C6: variants seen among roughly 807,000 people sequenced by gnomAD.
The protein encoded by C6 is complement component C6.
A neutral mutation model predicts 112.9 loss-of-function variants in C6; 101 were observed. The observed-to-expected ratio is 0.89, with a 90% CI of 0.76 to 1.06. C6 has a LOEUF of 1.06. Among genes scored for constraint, C6 ranks in the 50% least tolerant of loss-of-function variants. The pLI is 0.00. For missense variants in C6, 1,202 were observed against 1,104.6 expected (o/e 1.09, Z -1.25); for synonymous variants, 431 against 384.1 (o/e 1.12, Z -1.43).
At chr5:41,247,832 A>G (rs1377943251) in intron 1 of C6, among the ~76,000 whole-genome samples, 1 of 152,106 alleles carries the variant, frequency 6.6e-6, no homozygotes, top group East Asian at 1.9e-4. Flanking sequence ...ACACAAACAA[A>G]TGTACAAATA....
At chr5:41,191,563 T>C (rs572524256) in intron 5 of C6, among the ~76,000 whole-genome samples, 1 of 152,324 alleles carries the variant, frequency 6.6e-6, no homozygotes, top group South Asian at 2.1e-4. Flanking sequence ...CCTTCCCATT[T>C]CTTTTGTGTC....
chr5:41,167,768 G>T (rs1748100534), intron 9 of C6, among the ~76,000 whole-genome samples: 1 of 152,110 alleles, frequency 6.6e-6, no homozygotes, highest in Admixed American at 6.6e-5. Flanking sequence ...TAAAATAGAA[G>T]TAAGACCAAA....
chr5:41,193,153 C>T (rs929324643), intron 5 of C6, among the ~76,000 whole-genome samples: 1 of 152,116 alleles, frequency 6.6e-6, no homozygotes, highest in East Asian at 1.9e-4. Context: ...AAACCATTGA[C>T]CTTATACTGC....
intron 1 of C6, among the ~76,000 whole-genome samples, chr5:41,208,678 T>C (rs1424940709): frequency 2.0e-5 from 3 of 152,188 alleles, no homozygotes; most frequent in East Asian, 1.9e-4. Context: ...CAGGAAGAAG[T>C]TGAATCCCTG....
chr5:41,158,915 A>T, intron 12 of C6, 130 bp from the exon 13 acceptor site: 1 of 1,061,828 alleles, frequency 9.4e-7, no homozygotes, highest in Non-Finnish European at 1.4e-6. Flanking sequence ...CATTACACAC[A>T]GAAAAAGGCA....
intron 1 of C6, among the ~76,000 whole-genome samples, chr5:41,223,466 G>T (rs781258252): frequency 3.3e-5 from 5 of 152,124 alleles, no homozygotes; most frequent in Non-Finnish European, 5.9e-5. Context: ...GCTTGGACAT[G>T]GTACCTTCAT....
chr5:41,201,393 C>T (rs879515165), intron 3 of C6, among the ~76,000 whole-genome samples, 165 bp downstream of exon 3: 2 of 152,164 alleles, frequency 1.3e-5, no homozygotes, highest in Non-Finnish European at 2.9e-5. Context: ...TAAACCCCCT[C>T]TTCCCCCCAC....
chr5:41,230,674 C>T (rs1739840294), intron 1 of C6, among the ~76,000 whole-genome samples: 1 of 152,090 alleles, frequency 6.6e-6, no homozygotes, highest in Admixed American at 6.6e-5. Flanking sequence ...GCATATGATC[C>T]TTGTGACCTA....
chr5:41,178,300 CTGTT>C (rs974162918), intron 7 of C6, among the ~76,000 whole-genome samples: 2 of 146,640 alleles, frequency 1.4e-5, no homozygotes, highest in East Asian at 1.9e-4. Flanking sequence ...TGGAAACAGA[CTGTT>C]TGTCCAACAA....
rs753649727 is a variant in C6 at position 41,181,353 on chromosome 5, T to G, written c.927+6A>C. On this transcript the variant is annotated splice_donor_region_variant and intron_variant, in intron 7 of 17. Coordinates refer to ENST00000337836, the MANE Select transcript of C6 (RefSeq NM_000065.5). ...AGAATAAAAGGTTGGAAACCATTTT[T>G]GATACCTTTTTGTGAGAGGCTTGAA... 3 of 1,613,148 alleles carry G rather than the reference T, an allele frequency of 1.9e-6. No individual in the cohort carries two copies. In the Admixed American group the frequency reaches 5.0e-5, roughly 27 times the overall value.
chr5:41,166,571 A>AT (rs11376385), intron 9 of C6, among the ~76,000 whole-genome samples: 6,901 of 152,184 alleles, frequency 0.045, 164 homozygotes, highest in Middle Eastern at 0.068. Context: ...TTAAACATTT[A>AT]TAATGTGCTA....
chr5:41,224,746 A>G (rs571710405), intron 1 of C6, among the ~76,000 whole-genome samples: 7 of 152,244 alleles, frequency 4.6e-5, no homozygotes, highest in Admixed American at 6.5e-5. Context: ...TATGTTTTCA[A>G]TTCTACTGAA....
At chr5:41,230,781 A>G (rs1739850188) in intron 1 of C6, among the ~76,000 whole-genome samples, 1 of 152,078 alleles carries the variant, frequency 6.6e-6, no homozygotes, top group Non-Finnish European at 1.5e-5. Context: ...CCAATATGTG[A>G]TGTCACCCTG....
intron 5 of C6, among the ~76,000 whole-genome samples, chr5:41,192,881 A>C (rs1425079972): frequency 1.3e-5 from 2 of 152,126 alleles, no homozygotes; most frequent in African/African-American, 4.8e-5. Context: ...TAGAAGGGGG[A>C]AAGAAATGAA....
At chr5:41,146,122 A>G (rs1745798288) in intron 17 of C6, among the ~76,000 whole-genome samples, 1 of 152,172 alleles carries the variant, frequency 6.6e-6, no homozygotes, top group South Asian at 2.1e-4. Context: ...AGGGTGCCTC[A>G]TCTTAAAACC....
At chr5:41,204,276 A>G (rs1241421198) in intron 1 of C6, among the ~76,000 whole-genome samples, 2 of 152,250 alleles carry the variant, frequency 1.3e-5, no homozygotes, top group African/African-American at 4.8e-5. Context: ...GTTAGGATTC[A>G]GTAAGAAGGT....
intron 1 of C6, among the ~76,000 whole-genome samples, chr5:41,254,638 G>T (rs576801727): frequency 8.5e-5 from 13 of 152,282 alleles, no homozygotes; most frequent in African/African-American, 3.1e-4. Context: ...TTATCTGATA[G>T]ATCAGAGATT....
intron 9 of C6, among the ~76,000 whole-genome samples, chr5:41,168,742 C>A (rs538361564): frequency 9.9e-5 from 15 of 152,220 alleles, no homozygotes; most frequent in Admixed American, 4.6e-4. Context: ...TCATTGCTAA[C>A]AAATGTGTCA....
intron 9 of C6, among the ~76,000 whole-genome samples, chr5:41,166,735 C>A (rs1441759819): frequency 6.6e-6 from 1 of 152,000 alleles, no homozygotes; most frequent in Non-Finnish European, 1.5e-5. Context: ...GGGCACCTAA[C>A]CTTAATTATG....
Sources: allele counts gnomAD v4.1 joint callset (sites outside exome capture counted in the v4.1 genomes callset), GRCh38; gene constraint gnomAD v4.1.1; transcripts MANE v1.5; gene names NCBI Gene and HGNC (gene_info 2026-07-23, HGNC 2026-07-21).